The following CLEC2D variants were observed in gnomAD, a reference collection of about 807,000 sequenced individuals.
The protein encoded by CLEC2D is C-type lectin domain family 2 member D, also known as C-type lectin related f.
Under a neutral mutation model 20.0 loss-of-function variants are expected in CLEC2D, and 16 were observed. That is an observed-to-expected ratio of 0.80 (90% confidence interval 0.54 to 1.22). CLEC2D has a LOEUF of 1.22. Among genes scored for constraint, CLEC2D ranks in the 50% most tolerant of loss-of-function variants. The probability of loss-of-function intolerance (pLI) is 0.00; values close to 1 mark genes in which losing one functional copy is unlikely to be tolerated. For synonymous variants in CLEC2D, 77 were observed against 71.1 expected (o/e 1.08, Z -0.42); for missense variants, 207 against 221.5 (o/e 0.93, Z 0.42).
At chr12:9,677,260 T>A (rs752374965) in intron 1 of CLEC2D, among the ~76,000 whole-genome samples, 1 of 152,274 alleles carries the variant, frequency 6.6e-6, no homozygotes, top group South Asian at 2.1e-4. Context: ...TATCAATTTC[T>A]CTTTAAACAA....
rs1050583146 is a variant in CLEC2D, at chr12:9,699,128, C to G, written c.*4254C>G. ...CATTAAGTTCTCCCCAAATTATTTA[C>G]TCTTCCCCCAAAATCACCCACACTT... is the stretch of plus-strand genomic sequence containing the variant. On this transcript the variant is annotated 3_prime_UTR_variant, in exon 5 of 5. Coordinates refer to ENST00000290855, the MANE Select transcript of CLEC2D (RefSeq NM_013269.6). 1.3e-5 allele frequency: 2 copies of G among 152,090 alleles called. No homozygotes were observed. Among genetic ancestry groups the G allele is most frequent in the African/African-American group, 2.4e-5 (1 of 41,426 alleles). 9.4% of individuals were successfully genotyped at this position (152,090 alleles called of 1,614,324 possible).
rs779411416 is a variant in CLEC2D, at chr12:9,690,896, T to A, written c.358-1932T>A. Reference sequence around the variant, plus strand: ...ATGATTAAATGGCAAAAGTAAATCTTGTTTTAGTAATCACATTAAATAGAA... The same window carrying A: ...ATGATTAAATGGCAAAAGTAAATCTAGTTTTAGTAATCACATTAAATAGAA... On this transcript the variant is annotated intron_variant, in intron 3 of 4. Coordinates refer to ENST00000290855, the MANE Select transcript of CLEC2D (RefSeq NM_013269.6). Among the ~76,000 whole-genome samples the A allele has an allele frequency of 7.2e-5, 11 of 152,184 alleles. No homozygotes were observed. In the South Asian group the frequency reaches 1.0e-3, roughly 14 times the overall value.
chr12:9,695,199 C>A lies in CLEC2D; in HGVS notation c.*325C>A. On this transcript the variant is annotated 3_prime_UTR_variant, in exon 5 of 5. Transcript: ENST00000290855. ...AGGCAAATGGGAAGCAAAGTCATGT[C>A]TTATGTGGTGGCAGGCAGGGGGACT... The A allele has an allele frequency of 1.7e-6, 1 of 601,490 alleles. No homozygotes were observed. 37.3% of individuals were successfully genotyped at this position (601,490 alleles called of 1,614,324 possible). A position where few individuals can be genotyped will look rare whatever the true frequency, so the allele number is the denominator to read the frequency against.
Position 9,698,834 on chromosome 12 carries a change from T to A in CLEC2D, c.*3960T>A, listed in dbSNP as rs1866062398. 1 of 152,076 alleles carries A rather than the reference T, an allele frequency of 6.6e-6. No individual in the cohort carries two copies. The highest frequency in any genetic ancestry group is 1.9e-4 in the East Asian group (1 of 5,196). 9.4% of individuals were successfully genotyped at this position (152,076 alleles called of 1,614,324 possible). ...AAGAAGACTCGAGGTCTCTCTGACCTCCTCCTCAACCTCTGTTTCTTAATC... is the reference window on the plus strand; with the variant it reads ...AAGAAGACTCGAGGTCTCTCTGACCACCTCCTCAACCTCTGTTTCTTAATC... On this transcript the variant is annotated 3_prime_UTR_variant, in exon 5 of 5. Coordinates refer to ENST00000290855, the MANE Select transcript of CLEC2D (RefSeq NM_013269.6).
rs1865908307 is a variant in CLEC2D at position 9,693,392 on chromosome 12, T to G, written c.461+461T>G. On this transcript the variant is annotated intron_variant, in intron 4 of 4. Transcript: ENST00000290855. ...TGGGTAAAGTTTGGCACTAGAAAAT[T>G]TAATCTCAATTGTATATTTATAGGA... 8 of 285,762 alleles carry G rather than the reference T, an allele frequency of 2.8e-5. No individual in the cohort carries two copies. In the East Asian group the frequency reaches 5.0e-4, roughly 18 times the overall value. The allele number at this position is 285,762 out of a possible 1,614,324, so 17.7% of individuals were successfully genotyped here. A position where few individuals can be genotyped will look rare whatever the true frequency, so the allele number is the denominator to read the frequency against.
rs1865959535 is a variant in CLEC2D at position 9,695,367 on chromosome 12, G to C, written c.*493G>C. The C allele has an allele frequency of 6.1e-6, 8 of 1,321,122 alleles. 1 individual carries two copies. The South Asian group carries it at 7.0e-5, about 12-fold the overall frequency. The allele number at this position is 1,321,122 out of a possible 1,614,324, so 81.8% of individuals were successfully genotyped here. A position where few individuals can be genotyped will look rare whatever the true frequency, so the allele number is the denominator to read the frequency against. Reference sequence around the variant, plus strand: ...TTCGTCTGCCTTGTCTCCTACCTAAGTGTGTGTCGCCACCCGATGGAAGAT... The same window carrying C: ...TTCGTCTGCCTTGTCTCCTACCTAACTGTGTGTCGCCACCCGATGGAAGAT... On this transcript the variant is annotated 3_prime_UTR_variant, in exon 5 of 5. Transcript: ENST00000290855.
intron 4 of CLEC2D, chr12:9,693,226 A>T: frequency 1.3e-6 from 1 of 750,264 alleles, no homozygotes; most frequent in Non-Finnish European, 2.3e-6. Flanking sequence ...TACCTCCACA[A>T]CAAAATTAAA....
intron 1 of CLEC2D, among the ~76,000 whole-genome samples, chr12:9,672,380 C>G (rs909431302): frequency 1.3e-5 from 2 of 152,216 alleles, no homozygotes; most frequent in African/African-American, 4.8e-5. Context: ...CATCAACATT[C>G]TTCACCAGCA....
chr12:9,678,491 C>A (rs1045916621), intron 1 of CLEC2D, among the ~76,000 whole-genome samples: 1 of 151,888 alleles, frequency 6.6e-6, no homozygotes, highest in Non-Finnish European at 1.5e-5. Flanking sequence ...TACCATATTT[C>A]TTTCTGTTTT....
intron 1 of CLEC2D, among the ~76,000 whole-genome samples, chr12:9,676,825 A>C (rs901710827): frequency 1.1e-4 from 16 of 152,172 alleles, no homozygotes; most frequent in Non-Finnish European, 2.2e-4. Flanking sequence ...TGGAAGGTCA[A>C]CTTCTGTAAT....
At chr12:9,682,132 T>G (rs1865648226) in intron 2 of CLEC2D, among the ~76,000 whole-genome samples, 1 of 152,220 alleles carries the variant, frequency 6.6e-6, no homozygotes, top group Admixed American at 6.5e-5. Context: ...ACTTTGGAAA[T>G]GATTTCTTGT....
intron 1 of CLEC2D, among the ~76,000 whole-genome samples, chr12:9,676,415 T>G (rs1205589184): frequency 6.6e-6 from 1 of 152,202 alleles, no homozygotes; most frequent in Non-Finnish European, 1.5e-5. Flanking sequence ...TGTTAATTTT[T>G]TTGTATATAT....
Position 9,693,032 on chromosome 12 carries a change from A to C in CLEC2D, c.461+101A>C, listed in dbSNP as rs922133663. On this transcript the variant is annotated intron_variant, in intron 4 of 4. Transcript: ENST00000290855. Reference sequence around the variant, plus strand: ...CATGCTTTAAAAAATTCTCATTTTAAGGTTAGTCATGAAAGAAGATGGTGC... The same window carrying C: ...CATGCTTTAAAAAATTCTCATTTTACGGTTAGTCATGAAAGAAGATGGTGC... The C allele has an allele frequency of 1.9e-6, 3 of 1,613,062 alleles. No homozygotes were observed. In the African/African-American group the frequency reaches 4.0e-5, roughly 22 times the overall value.
At chr12:9,693,166 C>G (rs763146114) in intron 4 of CLEC2D, 7 of 1,278,306 alleles carry the variant, frequency 5.5e-6, no homozygotes, top group Non-Finnish European at 4.6e-6. Flanking sequence ...ATGTCATTTT[C>G]AAACACTTTC....
chr12:9,692,897 T>C lies in CLEC2D; in HGVS notation c.427T>C (p.Trp143Arg). The C allele has an allele frequency of 3.1e-6, 5 of 1,613,730 alleles. No homozygotes were observed. The highest frequency in any genetic ancestry group is 4.2e-6 in the Non-Finnish European group (5 of 1,179,790). Reference sequence around the variant, plus strand: ...GCTGAGCAGAGAACAAGGCCAACCATGGAAATGGATAAATGGTACTGAATG... The same window carrying C: ...GCTGAGCAGAGAACAAGGCCAACCACGGAAATGGATAAATGGTACTGAATG... ...IGLSREQGQPWKWINGTEWTR... is the reference protein window; with the variant it reads ...IGLSREQGQPRKWINGTEWTR... The change falls in exon 4 of 5, where the codon TGG (tryptophan) becomes CGG (arginine). Residue 143 changes from tryptophan (W) to arginine (R), a missense_variant. Physicochemically the swap from Trp to Arg is moderately radical, Grantham distance 101. Coordinates refer to ENST00000290855, the MANE Select transcript of CLEC2D (RefSeq NM_013269.6).
rs768780634 is a variant in CLEC2D at position 9,694,896 on chromosome 12, T to C, written c.*22T>C. The C allele has an allele frequency of 7.8e-7, 1 of 1,280,710 alleles. No individual in the cohort carries two copies. The highest frequency in any genetic ancestry group is 1.2e-5 in the South Asian group (1 of 83,982). 79.3% of individuals were successfully genotyped at this position (1,280,710 alleles called of 1,614,324 possible). A position where few individuals can be genotyped will look rare whatever the true frequency, so the allele number is the denominator to read the frequency against. ...CTAGATGTTACAGCAAAGCCCCAACTAATCTTTAGAAGCATATTGGAACTG... is the reference window on the plus strand; with the variant it reads ...CTAGATGTTACAGCAAAGCCCCAACCAATCTTTAGAAGCATATTGGAACTG... On this transcript the variant is annotated 3_prime_UTR_variant, in exon 5 of 5. Coordinates refer to ENST00000290855, the MANE Select transcript of CLEC2D (RefSeq NM_013269.6).
Position 9,698,028 on chromosome 12 carries a change from AAAG to A in CLEC2D, c.*3155_*3157del, listed in dbSNP as rs755475171. The A allele has an allele frequency of 8.5e-5, 13 of 152,336 alleles. No homozygotes were observed. The highest frequency in any genetic ancestry group is 1.3e-4 in the Non-Finnish European group (9 of 68,030). 9.4% of individuals were successfully genotyped at this position (152,336 alleles called of 1,614,324 possible). A position where few individuals can be genotyped will look rare whatever the true frequency, so the allele number is the denominator to read the frequency against. The stretch of plus-strand genomic sequence containing the variant: ...ATACACATCAAATATATACAATAAA[AAAG>A]CACATTGGGAGATACATGATAAATT... On this transcript the variant is annotated 3_prime_UTR_variant, in exon 5 of 5. Coordinates refer to ENST00000290855, the MANE Select transcript of CLEC2D (RefSeq NM_013269.6).
intron 1 of CLEC2D, among the ~76,000 whole-genome samples, chr12:9,673,722 C>T (rs1865467653): frequency 6.6e-6 from 1 of 152,250 alleles, no homozygotes; most frequent in South Asian, 2.1e-4. Flanking sequence ...AGAGTTCTGT[C>T]TGTAAGCCCC....
chr12:9,671,026 C>A (rs1437079319), intron 1 of CLEC2D, among the ~76,000 whole-genome samples: 2 of 152,124 alleles, frequency 1.3e-5, no homozygotes, highest in Non-Finnish European at 1.5e-5. Flanking sequence ...TTCAGGTTCC[C>A]AGGGGCTTCT....
Sources: gnomAD v4.1 joint callset for allele counts (sites outside exome capture counted in the v4.1 genomes callset) on GRCh38, gnomAD v4.1.1 for gene constraint, MANE v1.5 for transcripts, NCBI Gene and HGNC (gene_info 2026-07-23, HGNC 2026-07-21) for gene names.